Variants in KCTD2 observed in about 807,000 individuals in gnomAD.
KCTD2 encodes the protein BTB/POZ domain-containing protein KCTD2.
KCTD2 carries 18 observed loss-of-function variants against 27.9 expected under a neutral mutation model. The observed-to-expected ratio is 0.64, with a 90% confidence interval of 0.45 to 0.96. The LOEUF (loss-of-function observed/expected upper bound fraction) is 0.96. Ranked by LOEUF, KCTD2 falls within the 40% of genes least tolerant of loss-of-function variation. The probability of loss-of-function intolerance (pLI) is 0.00; values close to 1 mark genes in which losing one functional copy is unlikely to be tolerated. For missense variants in KCTD2, 280 were observed against 348.0 expected (o/e 0.80, Z 1.56); for synonymous variants, 175 against 148.4 (o/e 1.18, Z -1.30).
intron 1 of KCTD2, among the ~76,000 whole-genome samples, chr17:75,048,393 A>G (rs1346237096): frequency 6.6e-6 from 1 of 152,142 alleles, no homozygotes; most frequent in Non-Finnish European, 1.5e-5. Flanking sequence ...AACTCACACC[A>G]TCTTATATCC....
chr17:75,038,013 C>T (rs560753903), intron 3 of KCTD2, among the ~76,000 whole-genome samples: 155 of 152,230 alleles, frequency 1.0e-3, no homozygotes, highest in African/African-American at 3.6e-3. Context: ...CGTCCCACTG[C>T]ACTCCAGCCT....
At chr17:75,047,212 G>A (rs1166598956), upstream of KCTD2, 1 of 695,174 alleles carries the variant, frequency 1.4e-6, no homozygotes, top group Non-Finnish European at 2.0e-6. Context: ...GGCCGGCCCG[G>A]CTGCGCGCGG....
In KCTD2 at chr17:75,032,885, AG is replaced by A. The variant is rs2040078520; in HGVS notation, c.-470+162del. Reference sequence around the variant, plus strand: ...ACTTAAAGGGGGGCATCCTCAAGGCAGTAAACTGGAGCCAAGTGGGTTAAAT... The same window carrying A: ...ACTTAAAGGGGGGCATCCTCAAGGCATAAACTGGAGCCAAGTGGGTTAAAT... On this transcript the variant is annotated intron_variant, in intron 1 of 7. Transcript: ENST00000581589. The surrounding 1 kb of genome is among the most constrained non-coding windows in gnomAD (Gnocchi z 4.8). The A allele has an allele frequency of 6.6e-6, 1 of 152,316 alleles. No homozygotes were observed. The highest frequency in any genetic ancestry group is 2.4e-5 in the African/African-American group (1 of 41,478). 9.4% of individuals were successfully genotyped at this position (152,316 alleles called of 1,614,324 possible). A position where few individuals can be genotyped will look rare whatever the true frequency, so the allele number is the denominator to read the frequency against.
At chr17:75,050,083 CTT>C (rs2073268878) in intron 2 of KCTD2, among the ~76,000 whole-genome samples, 2 of 152,284 alleles carry the variant, frequency 1.3e-5, no homozygotes, top group South Asian at 4.1e-4. Flanking sequence ...CTCTCTCTCT[CTT>C]TTTTTAAATG....
upstream of KCTD2, among the ~76,000 whole-genome samples, chr17:75,045,214 G>A (rs529129294): frequency 6.6e-6 from 1 of 152,286 alleles, no homozygotes; most frequent in African/African-American, 2.4e-5. Context: ...GAATAGGTGT[G>A]GGTGACAGAC....
chr17:75,034,758 A>C (rs911296045), intron 2 of KCTD2, among the ~76,000 whole-genome samples: 3 of 152,036 alleles, frequency 2.0e-5, no homozygotes, highest in Non-Finnish European at 4.4e-5. Flanking sequence ...GGTGGAGCAT[A>C]GCTGGGAGGA....
chr17:75,064,746 A>G lies in KCTD2; in HGVS notation c.*1699A>G, dbSNP rs2073440129. On this transcript the variant is annotated 3_prime_UTR_variant, in exon 6 of 6. Transcript: ENST00000322444. ...CAGTAAAAGCAGCCACCCCTTCAAG[A>G]GTCACAGGCATCCATCCAGTCGTAT... 1 of 152,156 alleles carries G rather than the reference A, an allele frequency of 6.6e-6. No individual in the cohort carries two copies. Among genetic ancestry groups the G allele is most frequent in the African/African-American group, 2.4e-5 (1 of 41,402 alleles). The allele number at this position is 152,156 out of a possible 1,614,324, so 9.4% of individuals were successfully genotyped here. A position where few individuals can be genotyped will look rare whatever the true frequency, so the allele number is the denominator to read the frequency against.
At chr17:75,049,185 A>T in intron 1 of KCTD2, 35 bp from the exon 2 acceptor site, 3 of 1,293,094 alleles carry the variant, frequency 2.3e-6, no homozygotes, top group Non-Finnish European at 3.3e-6. Context: ...TACTCCTCAA[A>T]GGTCCACAAT....
intron 3 of KCTD2, among the ~76,000 whole-genome samples, chr17:75,035,780 C>T (rs2040109721): frequency 6.6e-6 from 1 of 152,124 alleles, no homozygotes; most frequent in African/African-American, 2.4e-5. Context: ...TTGCAGTGAG[C>T]CGTGATCGCG....
rs60135053 is a variant in KCTD2, at chr17:75,047,657, G to A, written c.339+68G>A. 7.4e-3 allele frequency: 11,080 copies of A among 1,491,946 alleles called. 606 individuals are homozygous for A. In the African/African-American group the frequency reaches 0.13, roughly 18 times the overall value. The allele number at this position is 1,491,946 out of a possible 1,614,324, so 92.4% of individuals were successfully genotyped here. A position where few individuals can be genotyped will look rare whatever the true frequency, so the allele number is the denominator to read the frequency against. On this transcript the variant is annotated intron_variant, in intron 1 of 5. Coordinates refer to ENST00000322444, the MANE Select transcript of KCTD2 (RefSeq NM_015353.3). Reference sequence around the variant, plus strand: ...CTGGTTTCTCGTAGATCGGTCCCCAGAGTCCTGAGACACGCTCCTCACAGG... The same window carrying A: ...CTGGTTTCTCGTAGATCGGTCCCCAAAGTCCTGAGACACGCTCCTCACAGG...
intron 3 of KCTD2, chr17:75,042,154 C>A (rs1430426375): frequency 6.3e-7 from 1 of 1,591,934 alleles, no homozygotes. Context: ...GTTACAAGCT[C>A]AGTGCTTTAG....
Position 75,047,580 on chromosome 17 carries a change from C to G in KCTD2, c.330C>G (p.Asp110Glu). The change falls in exon 1 of 6, where the codon GAC (aspartate) becomes GAG (glutamate). Residue 110 changes from aspartate to glutamate, a missense_variant. By Grantham distance (45) the Asp-to-Glu change is conservative. Coordinates refer to ENST00000322444, the MANE Select transcript of KCTD2 (RefSeq NM_015353.3). ...RLCCQEDPEL[D>E]SDKDETGAYL... ...GCTGCCAGGAGGACCCGGAGCTGGACTCAGACAAGGTGTGCCCCGCCCTCG... is the reference window on the plus strand; with the variant it reads ...GCTGCCAGGAGGACCCGGAGCTGGAGTCAGACAAGGTGTGCCCCGCCCTCG... The G allele has an allele frequency of 6.2e-7, 1 of 1,609,304 alleles. No individual in the cohort carries two copies. The highest frequency in any genetic ancestry group is 8.5e-7 in the Non-Finnish European group (1 of 1,178,180).
rs1232188477 is a variant in KCTD2, at chr17:75,064,262, T to G, written c.*1215T>G. 1 of 152,280 alleles carries G rather than the reference T, an allele frequency of 6.6e-6. No individual in the cohort carries two copies. Among genetic ancestry groups the G allele is most frequent in the Non-Finnish European group, 1.5e-5 (1 of 68,068 alleles). The allele number at this position is 152,280 out of a possible 1,614,324, so 9.4% of individuals were successfully genotyped here. ...ATCCACAGAGTTTGTGTCCACACTT[T>G]CTCTCCGAGCATGTGGGTCTCGCTG... On this transcript the variant is annotated 3_prime_UTR_variant, in exon 6 of 6. Transcript: ENST00000322444.
chr17:75,045,367 AG>A (rs1327846600), upstream of KCTD2, among the ~76,000 whole-genome samples: 2 of 152,342 alleles, frequency 1.3e-5, no homozygotes, highest in Admixed American at 6.5e-5. Flanking sequence ...ATCAGGAGAC[AG>A]GGTTTTCAGA....
chr17:75,053,018 G>A lies in KCTD2; in HGVS notation c.453G>A (p.Val151=). 6.2e-7 allele frequency: 1 copy of A among 1,613,956 alleles called. No individual in the cohort carries two copies. The highest frequency in any genetic ancestry group is 8.5e-7 in the Non-Finnish European group (1 of 1,179,786). ...GCAGTTTTGTCCTTGTTCCAGGTGT[G>A]CTGGAGGAAGCGGAGTTTTACAACA... ...IITKELAEEG[V]LEEAEFYNIA... The change falls in exon 3 of 6, where the codon GTG becomes GTA. Residue 151 remains valine, a synonymous_variant. Coordinates refer to ENST00000322444, the MANE Select transcript of KCTD2 (RefSeq NM_015353.3).
At chr17:75,059,402 T>A (rs1426748123) in intron 3 of KCTD2, 108 bp from the exon 4 acceptor site, 3 of 599,722 alleles carry the variant, frequency 5.0e-6, no homozygotes, top group Non-Finnish European at 8.2e-6. Context: ...AGAAAAGATT[T>A]CCAAGCAAAC....
upstream of KCTD2, chr17:75,042,369 A>C: frequency 6.6e-7 from 1 of 1,506,122 alleles, no homozygotes; most frequent in Non-Finnish European, 9.1e-7. Flanking sequence ...TATGGCCTGG[A>C]GGGTCACCAC....
intron 3 of KCTD2, among the ~76,000 whole-genome samples, chr17:75,058,086 G>C (rs957709404): frequency 6.6e-6 from 1 of 151,836 alleles, no homozygotes. Context: ...CACTTTGGGG[G>C]CCCAAGGCGG....
At chr17:75,041,643 G>T (rs2073161888) in intron 3 of KCTD2, 2 of 152,336 alleles carry the variant, frequency 1.3e-5, no homozygotes, top group African/African-American at 4.8e-5. Flanking sequence ...AAAAGGACAG[G>T]AAAAGAGTAG....
Sources: gnomAD v4.1 joint callset for allele counts (sites outside exome capture counted in the v4.1 genomes callset) on GRCh38, gnomAD v4.1.1 for gene constraint, Gnocchi (gnomAD v3.1) non-coding constraint, MANE v1.5 for transcripts, NCBI Gene and HGNC (gene_info 2026-07-23, HGNC 2026-07-21) for gene names.